The following DIAPH2 variants were observed in gnomAD, a reference collection of about 807,000 sequenced individuals.
The protein encoded by DIAPH2 is protein diaphanous homolog 2.
In DIAPH2, 35 loss-of-function variants were observed where a neutral mutation model predicts 92.7. The observed-to-expected ratio is 0.38, with a 90% CI of 0.29 to 0.50. The LOEUF is 0.50. Among genes scored for constraint, DIAPH2 ranks in the 20% least tolerant of loss-of-function variants. The probability of loss-of-function intolerance (pLI) is 0.94; values close to 1 mark genes in which losing one functional copy is unlikely to be tolerated. For synonymous variants in DIAPH2, 301 were observed against 280.4 expected, an observed-to-expected ratio of 1.07 and a Z score of -0.73; for missense variants, 701 against 819.5, an observed-to-expected ratio of 0.86 and a Z score of 1.77.
chrX:97,071,222 T>C (rs1014637674), intron 17 of DIAPH2, among the ~76,000 whole-genome samples: 1 of 111,915 alleles, frequency 8.9e-6, no homozygotes, highest in Non-Finnish European at 1.9e-5. Flanking sequence ...TGGAACTGGC[T>C]TGACAATTAG....
chrX:97,528,765 G>A (rs1031115899), intron 26 of DIAPH2: 12 of 111,485 alleles, frequency 1.1e-4, no homozygotes, highest in Non-Finnish European at 1.9e-4. Context: ...ACTATATCTT[G>A]GAAGACGGAA....
At chrX:97,451,765 C>A (rs1181806077) in intron 26 of DIAPH2, among the ~76,000 whole-genome samples, 2 of 110,992 alleles carry the variant, frequency 1.8e-5, no homozygotes, top group African/African-American at 6.5e-5. Flanking sequence ...TTAGAACAAA[C>A]CTTATTTTAA....
At chrX:97,555,236 A>G (rs1016121540) in intron 26 of DIAPH2, among the ~76,000 whole-genome samples, 29 of 112,167 alleles carry the variant, frequency 2.6e-4, no homozygotes, top group African/African-American at 9.1e-4. Flanking sequence ...TCACTGGAAG[A>G]AAGAAAGAAT....
At chrX:97,208,599 G>T (rs764958738) in intron 22 of DIAPH2, among the ~76,000 whole-genome samples, 1 of 111,649 alleles carries the variant, frequency 9.0e-6, no homozygotes, top group East Asian at 2.8e-4. Flanking sequence ...ATTTAAGGTA[G>T]AAAATAGTCT....
At chrX:97,168,241 A>C (rs904412585) in intron 22 of DIAPH2, among the ~76,000 whole-genome samples, 17 of 107,404 alleles carry the variant, frequency 1.6e-4, no homozygotes, top group Non-Finnish European at 2.9e-4. Flanking sequence ...GGGTGCCACC[A>C]CTCCCAGCTA....
At chrX:97,560,812 T>C (rs1158761024) in intron 26 of DIAPH2, among the ~76,000 whole-genome samples, 1 of 112,680 alleles carries the variant, frequency 8.9e-6, no homozygotes, top group East Asian at 2.8e-4. Context: ...CATTTTAGAT[T>C]TCACTTTCTT....
intron 4 of DIAPH2, among the ~76,000 whole-genome samples, chrX:96,824,079 T>G (rs995064595): frequency 9.0e-6 from 1 of 110,883 alleles, no homozygotes; most frequent in African/African-American, 3.3e-5. Context: ...GGTCTTAAAC[T>G]TTAGACAGGA....
intron 4 of DIAPH2, among the ~76,000 whole-genome samples, chrX:96,809,413 C>T (rs897034837): frequency 3.6e-5 from 4 of 109,636 alleles, no homozygotes; most frequent in Admixed American, 9.7e-5. Flanking sequence ...ATATTGTTAA[C>T]GACAGATATA....
intron 4 of DIAPH2, among the ~76,000 whole-genome samples, chrX:96,786,935 G>A (rs985494309): frequency 1.8e-5 from 2 of 111,890 alleles, no homozygotes; most frequent in Non-Finnish European, 3.8e-5. Context: ...ATTATGTACC[G>A]TGATGTAAAC....
intron 4 of DIAPH2, among the ~76,000 whole-genome samples, chrX:96,793,957 T>C (rs1053685081): frequency 8.9e-6 from 1 of 112,077 alleles, no homozygotes; most frequent in Non-Finnish European, 1.9e-5. Context: ...TTTATGTATC[T>C]GGCTTAATCT....
At chrX:96,947,695 T>TAACA (rs1319492157) in intron 14 of DIAPH2, among the ~76,000 whole-genome samples, 1 of 112,199 alleles carries the variant, frequency 8.9e-6, no homozygotes, top group African/African-American at 3.2e-5. Context: ...GAATATTTGT[T>TAACA]AACAGTGAAC....
chrX:96,976,440 A>G (rs1374881481), intron 17 of DIAPH2, among the ~76,000 whole-genome samples: 1 of 111,156 alleles, frequency 9.0e-6, no homozygotes, highest in African/African-American at 3.3e-5. Context: ...CATCATTTTA[A>G]TTATATCTAA....
At chrX:97,045,038 C>G (rs777851407) in intron 17 of DIAPH2, among the ~76,000 whole-genome samples, 3 of 111,981 alleles carry the variant, frequency 2.7e-5, no homozygotes, top group Non-Finnish European at 3.8e-5. Flanking sequence ...TGACTTCATA[C>G]TCTCCTGGGT....
intron 20 of DIAPH2, among the ~76,000 whole-genome samples, chrX:97,104,332 C>T (rs961130158): frequency 9.1e-6 from 1 of 109,723 alleles, no homozygotes; most frequent in African/African-American, 3.3e-5. Flanking sequence ...CTTTTTGAAA[C>T]CTTTCCTCTC....
chrX:96,749,492 A>AGATTTGTAG (rs1241658507), intron 3 of DIAPH2, among the ~76,000 whole-genome samples: 1 of 110,834 alleles, frequency 9.0e-6, no homozygotes, highest in Non-Finnish European at 1.9e-5. Flanking sequence ...AATCTGACAA[A>AGATTTGTAG]GATTTGTAGG....
chrX:97,043,975 A>G (rs1260962588), intron 17 of DIAPH2, among the ~76,000 whole-genome samples: 1 of 112,311 alleles, frequency 8.9e-6, no homozygotes, highest in Non-Finnish European at 1.9e-5. Flanking sequence ...TGTAACTTTA[A>G]TTGCATGCTT....
At chrX:96,916,338 G>A in intron 7 of DIAPH2, 100 bp from the exon 8 acceptor site, 1 of 739,814 alleles carries the variant, frequency 1.4e-6, no homozygotes, top group Non-Finnish European at 1.8e-6. Context: ...ACCTCATTGT[G>A]GGGGTATGGG....
chrX:97,446,573 A>G (rs1411383091), intron 26 of DIAPH2, among the ~76,000 whole-genome samples: 1 of 111,951 alleles, frequency 8.9e-6, no homozygotes. Context: ...TTGAAAATAT[A>G]CACCTATGTT....
At chrX:96,848,035 AATT>A (rs1027951909) in intron 4 of DIAPH2, among the ~76,000 whole-genome samples, 2 of 110,242 alleles carry the variant, frequency 1.8e-5, no homozygotes, top group Admixed American at 9.7e-5. Flanking sequence ...TATCTTTAAA[AATT>A]ATTATTATTA....
Sources: gnomAD v4.1 joint callset for allele counts (sites outside exome capture counted in the v4.1 genomes callset) on GRCh38, gnomAD v4.1.1 for gene constraint, MANE v1.5 for transcripts, NCBI Gene and HGNC (gene_info 2026-07-23, HGNC 2026-07-21) for gene names.